Variants in SLC35F3 observed in about 807,000 individuals in gnomAD.
SLC35F3 encodes the protein putative thiamine transporter SLC35F3.
SLC35F3 carries 25 observed loss-of-function variants against 49.9 expected under a neutral mutation model. The ratio of observed to expected loss-of-function variants is 0.50; its 90% CI spans 0.37 to 0.70. SLC35F3 has a LOEUF of 0.70. SLC35F3 is among the 30% of genes least tolerant of loss of function. The probability of loss-of-function intolerance (pLI) is 0.00; values close to 1 mark genes in which losing one functional copy is unlikely to be tolerated. For synonymous variants in SLC35F3, 275 were observed against 265.4 expected, an observed-to-expected ratio of 1.04 and a Z score of -0.35; for missense variants, 525 against 639.8, an observed-to-expected ratio of 0.82 and a Z score of 1.94.
chr1:234,280,388 CT>C (rs1395358454), intron 3 of SLC35F3, among the ~76,000 whole-genome samples: 1 of 152,208 alleles, frequency 6.6e-6, no homozygotes, highest in African/African-American at 2.4e-5. Context: ...TAACTAATGG[CT>C]GTTTAAACCT....
At chr1:234,071,774 G>T (rs193192110) in intron 2 of SLC35F3, among the ~76,000 whole-genome samples, 3 of 152,256 alleles carry the variant, frequency 2.0e-5, no homozygotes, top group African/African-American at 7.2e-5. Context: ...CCCAAACTCC[G>T]TACCTCCTAT....
chr1:233,986,940 T>C (rs1663274263), intron 2 of SLC35F3, among the ~76,000 whole-genome samples: 1 of 152,160 alleles, frequency 6.6e-6, no homozygotes, highest in Non-Finnish European at 1.5e-5. Flanking sequence ...TTTTTTCTTT[T>C]TGTATGTGTG....
intron 2 of SLC35F3, among the ~76,000 whole-genome samples, chr1:234,091,207 G>A (rs1665038992): frequency 1.3e-5 from 2 of 152,152 alleles, no homozygotes; most frequent in Non-Finnish European, 2.9e-5. Context: ...TAATAACTAT[G>A]ATGATAGCTT....
chr1:233,939,222 C>A (rs1662383329), intron 2 of SLC35F3, among the ~76,000 whole-genome samples: 1 of 152,126 alleles, frequency 6.6e-6, no homozygotes, highest in African/African-American at 2.4e-5. Context: ...GAGGCCTGGG[C>A]AAGTGGATCT....
At chr1:234,118,474 G>A (rs551283420) in intron 2 of SLC35F3, among the ~76,000 whole-genome samples, 71 of 152,220 alleles carry the variant, frequency 4.7e-4, no homozygotes, top group Middle Eastern at 3.4e-3. Flanking sequence ...TTTGCATATC[G>A]CTGGCGGGCT....
chr1:233,936,867 T>G (rs7550704), intron 2 of SLC35F3, among the ~76,000 whole-genome samples: 10,972 of 152,092 alleles, frequency 0.072, 496 homozygotes, highest in African/African-American at 0.12. Flanking sequence ...TTTTCAGAAA[T>G]GTTTTGTAGA....
intron 2 of SLC35F3, among the ~76,000 whole-genome samples, chr1:233,951,296 G>A (rs1373299989): frequency 6.6e-6 from 1 of 151,838 alleles, no homozygotes; most frequent in African/African-American, 2.4e-5. Context: ...AGTTAGTGTA[G>A]CCTAAGTGTA....
chr1:234,308,751 C>G (rs1179441095), intron 3 of SLC35F3, among the ~76,000 whole-genome samples: 2 of 149,944 alleles, frequency 1.3e-5, no homozygotes, highest in Admixed American at 1.3e-4. Context: ...GTTTAGTGAC[C>G]CCCTTCTCTT....
At chr1:233,935,558 G>A (rs1662310478) in intron 2 of SLC35F3, among the ~76,000 whole-genome samples, 1 of 152,066 alleles carries the variant, frequency 6.6e-6, no homozygotes, top group Non-Finnish European at 1.5e-5. Flanking sequence ...GCTGTCCAGT[G>A]ACTTAAGACT....
chr1:234,144,388 C>A (rs1379315103), intron 2 of SLC35F3, among the ~76,000 whole-genome samples: 1 of 152,088 alleles, frequency 6.6e-6, no homozygotes, highest in Non-Finnish European at 1.5e-5. Flanking sequence ...ACAACTCCTT[C>A]GAAGAAAAGG....
Position 234,132,924 on chromosome 1 carries a change from C to T in SLC35F3, c.284-98493C>T, listed in dbSNP as rs140017351. Among the ~76,000 whole-genome samples, 35 of 152,320 alleles carry T rather than the reference C, an allele frequency of 2.3e-4. 1 individual carries two copies. In the East Asian group the frequency reaches 6.4e-3, roughly 28 times the overall value. On this transcript the variant is annotated intron_variant, in intron 2 of 7. Coordinates refer to ENST00000366618, the MANE Select transcript of SLC35F3 (RefSeq NM_173508.4). ...ACAACTATTGAGTGCTGACTCTGTGCTGGACACTGTTCAAAGTGTTTAATC... is the reference window on the plus strand; with the variant it reads ...ACAACTATTGAGTGCTGACTCTGTGTTGGACACTGTTCAAAGTGTTTAATC...
chr1:234,030,462 C>T (rs1302543173), intron 2 of SLC35F3, among the ~76,000 whole-genome samples: 2 of 152,172 alleles, frequency 1.3e-5, no homozygotes, highest in Non-Finnish European at 2.9e-5. Flanking sequence ...AGGAGAAGGG[C>T]TGACTGCTTC....
rs375856813 is a variant in SLC35F3 at position 233,913,763 on chromosome 1, T to A, written c.283+8005T>A. 2.5e-4 allele frequency among the ~76,000 whole-genome samples: 38 copies of A among 152,210 alleles called. 1 individual carries two copies. Among genetic ancestry groups the A allele is most frequent in the African/African-American group, 8.9e-4 (37 of 41,454 alleles). On this transcript the variant is annotated intron_variant, in intron 2 of 7. Coordinates refer to ENST00000366618, the MANE Select transcript of SLC35F3 (RefSeq NM_173508.4). The stretch of plus-strand genomic sequence containing the variant: ...CCTCTGTCAAGAAATGGGACTTCTG[T>A]TGCTGGTTCTCTTCAGTCTTCACTT...
At chr1:234,096,592 G>C (rs1665128871) in intron 2 of SLC35F3, among the ~76,000 whole-genome samples, 1 of 152,142 alleles carries the variant, frequency 6.6e-6, no homozygotes, top group Admixed American at 6.5e-5. Flanking sequence ...AAATTGTTCT[G>C]CATAGCTGGA....
chr1:233,932,105 A>C (rs980517194), intron 2 of SLC35F3, among the ~76,000 whole-genome samples: 8 of 152,064 alleles, frequency 5.3e-5, no homozygotes, highest in African/African-American at 1.9e-4. Flanking sequence ...GAACACATGG[A>C]TGGACACAGG....
In SLC35F3 at chr1:234,231,371, G is replaced by A; in HGVS notation, c.284-46G>A. The A allele has an allele frequency of 1.4e-6, 2 of 1,413,846 alleles. No homozygotes were observed. Among genetic ancestry groups the A allele is most frequent in the Non-Finnish European group, 1.9e-6 (2 of 1,066,974 alleles). The allele number at this position is 1,413,846 out of a possible 1,614,324, so 87.6% of individuals were successfully genotyped here. On this transcript the variant is annotated intron_variant, in intron 2 of 7. Coordinates refer to ENST00000366618, the MANE Select transcript of SLC35F3 (RefSeq NM_173508.4). This position sits in a 1 kb window ranked among gnomAD's most constrained non-coding sequence, Gnocchi z 5.4. Reference sequence around the variant, plus strand: ...AGGGCAGCGCCCTGCGAAGTGCAGGGGTGAAGGTCTGCAGGCCCCGCTAAC... The same window carrying A: ...AGGGCAGCGCCCTGCGAAGTGCAGGAGTGAAGGTCTGCAGGCCCCGCTAAC...
chr1:233,968,673 C>T (rs968578896), intron 2 of SLC35F3, among the ~76,000 whole-genome samples: 5 of 151,904 alleles, frequency 3.3e-5, no homozygotes, highest in African/African-American at 9.7e-5. Context: ...TTAGTAAACA[C>T]GGGGTTTCAC....
chr1:234,164,100 CTT>C (rs904530816), intron 2 of SLC35F3, among the ~76,000 whole-genome samples: 14 of 151,622 alleles, frequency 9.2e-5, no homozygotes, highest in Admixed American at 7.2e-4. Context: ...CCCTCTCTCT[CTT>C]TCTCTCTCTC....
chr1:234,262,095 T>G (rs1667914178), intron 3 of SLC35F3, among the ~76,000 whole-genome samples: 1 of 152,242 alleles, frequency 6.6e-6, no homozygotes, highest in Non-Finnish European at 1.5e-5. Flanking sequence ...TGCTCCATAT[T>G]AAATGCTGGA....
Sources: gnomAD v4.1 joint callset for allele counts (sites outside exome capture counted in the v4.1 genomes callset) on GRCh38, gnomAD v4.1.1 for gene constraint, Gnocchi (gnomAD v3.1) non-coding constraint, MANE v1.5 for transcripts, NCBI Gene and HGNC (gene_info 2026-07-23, HGNC 2026-07-21) for gene names.